CFAP299: variants seen among roughly 807,000 people sequenced by gnomAD.
CFAP299 encodes cilia and flagella associated protein 299, also known as cilia- and flagella-associated protein 299.
Under a neutral mutation model 27.0 loss-of-function variants are expected in CFAP299, and 21 were observed. The ratio of observed to expected loss-of-function variants is 0.78; its 90% CI spans 0.55 to 1.12. The LOEUF is 1.12. Ranked by LOEUF, CFAP299 falls within the 50% of genes most tolerant of loss-of-function variation. The pLI, the probability that CFAP299 is intolerant of heterozygous loss-of-function variation, is 0.00. For synonymous variants in CFAP299, 104 were observed against 98.1 expected, an observed-to-expected ratio of 1.06 and a Z score of -0.36; for missense variants, 310 against 276.6, an observed-to-expected ratio of 1.12 and a Z score of -0.86.
At chr4:80,832,275 C>A (rs1393097133) in intron 3 of CFAP299, among the ~76,000 whole-genome samples, 3 of 152,080 alleles carry the variant, frequency 2.0e-5, no homozygotes. Flanking sequence ...ATCACGGTGC[C>A]ATTGATCAGA....
At chr4:80,710,759 T>G (rs1172376175) in intron 3 of CFAP299, among the ~76,000 whole-genome samples, 3 of 151,988 alleles carry the variant, frequency 2.0e-5, no homozygotes, top group Non-Finnish European at 2.9e-5. Context: ...TCATTCTACT[T>G]TTTTTTACTC....
chr4:80,904,147 T>C (rs765107706), intron 4 of CFAP299, among the ~76,000 whole-genome samples: 2 of 152,194 alleles, frequency 1.3e-5, no homozygotes, highest in African/African-American at 4.8e-5. Flanking sequence ...AAATGTTACA[T>C]GCATAGCCCT....
intron 3 of CFAP299, among the ~76,000 whole-genome samples, chr4:80,702,294 C>A (rs1244429615): frequency 6.6e-6 from 1 of 151,770 alleles, no homozygotes; most frequent in Non-Finnish European, 1.5e-5. Flanking sequence ...TGAATCTATA[C>A]ACAGTTTATT....
At chr4:80,532,895 C>G (rs1396496113) in intron 2 of CFAP299, among the ~76,000 whole-genome samples, 1 of 152,200 alleles carries the variant, frequency 6.6e-6, no homozygotes, top group Non-Finnish European at 1.5e-5. Context: ...CAAAGGACCT[C>G]CCACAAAGGG....
rs539189216 is a variant in CFAP299 at position 80,643,013 on chromosome 4, A to G, written c.333+59830A>G. On this transcript the variant is annotated intron_variant, in intron 3 of 5. Transcript: ENST00000358105. The stretch of plus-strand genomic sequence containing the variant: ...AGAGACGTTAAATTAAAAGAGATGT[A>G]GGGCCGGGTGTGGTGACTGGCGCCT... 1.3e-4 allele frequency among the ~76,000 whole-genome samples: 20 copies of G among 151,594 alleles called. No individual in the cohort carries two copies. The East Asian group carries it at 3.7e-3, about 28-fold the overall frequency.
chr4:80,463,775 C>G (rs181942586), intron 2 of CFAP299, among the ~76,000 whole-genome samples: 2 of 152,102 alleles, frequency 1.3e-5, no homozygotes, highest in African/African-American at 4.8e-5. Context: ...AGAGCTTCAA[C>G]CTATGAATTT....
chr4:80,352,888 A>G (rs998640632), intron 1 of CFAP299, among the ~76,000 whole-genome samples: 30 of 152,140 alleles, frequency 2.0e-4, no homozygotes, highest in African/African-American at 6.5e-4. Flanking sequence ...AACAAAATAT[A>G]TAAATGTTTA....
intron 2 of CFAP299, among the ~76,000 whole-genome samples, chr4:80,405,944 A>G (rs1316867200): frequency 6.6e-6 from 1 of 152,054 alleles, no homozygotes; most frequent in East Asian, 1.9e-4. Flanking sequence ...AATGATACCA[A>G]CTCACACGTT....
intron 3 of CFAP299, among the ~76,000 whole-genome samples, chr4:80,681,701 CA>C (rs1307658393): frequency 6.6e-6 from 1 of 152,000 alleles, no homozygotes. Flanking sequence ...TAGGCTTAGC[CA>C]AAAGTAATTT....
intron 5 of CFAP299, among the ~76,000 whole-genome samples, chr4:80,959,708 T>C (rs570514259): frequency 1.8e-3 from 269 of 152,130 alleles, no homozygotes; most frequent in African/African-American, 6.0e-3. Flanking sequence ...CTCTTTGTGA[T>C]ATTTTTGAAG....
intron 3 of CFAP299, among the ~76,000 whole-genome samples, chr4:80,682,320 G>A (rs2110006255): frequency 6.6e-6 from 1 of 152,144 alleles, no homozygotes; most frequent in East Asian, 1.9e-4. Flanking sequence ...AGGGAGCTGT[G>A]ATCTGTTTTG....
chr4:80,465,581 A>G (rs1729661166), intron 2 of CFAP299, among the ~76,000 whole-genome samples: 1 of 152,216 alleles, frequency 6.6e-6, no homozygotes, highest in Non-Finnish European at 1.5e-5. Context: ...CATCTTGTGC[A>G]CATTCTAAAA....
intron 4 of CFAP299, among the ~76,000 whole-genome samples, chr4:80,900,471 A>T (rs1315483245): frequency 6.6e-6 from 1 of 152,156 alleles, no homozygotes; most frequent in Admixed American, 6.6e-5. Context: ...TAATTTGTCA[A>T]GACTAAGATC....
In CFAP299 at chr4:80,576,159, A is replaced by T. The variant is rs1269725849; in HGVS notation, c.243-6934A>T. 2.8e-5 allele frequency among the ~76,000 whole-genome samples: 4 copies of T among 141,854 alleles called. No individual in the cohort carries two copies. The South Asian group carries it at 9.4e-4, about 33-fold the overall frequency. 93.1% of individuals were successfully genotyped at this position (141,854 alleles called of 152,430 possible). ...TGTAACAAACCTGCACATTGTGCAC[A>T]TGTACCCTAGAACTTAAAGTATAAT... is the stretch of plus-strand genomic sequence containing the variant. On this transcript the variant is annotated intron_variant, in intron 2 of 5. Coordinates refer to ENST00000358105, the MANE Select transcript of CFAP299 (RefSeq NM_152770.3).
intron 3 of CFAP299, among the ~76,000 whole-genome samples, chr4:80,674,232 C>T (rs866622753): frequency 6.6e-6 from 1 of 152,144 alleles, no homozygotes; most frequent in Non-Finnish European, 1.5e-5. Flanking sequence ...GACAAAATCT[C>T]TCAGCATTTG....
At position 80,877,016 on chromosome 4, in the gene CFAP299, T is replaced by C. The variant is rs1353972478; in HGVS notation, c.476+6881T>C. 3.3e-5 allele frequency among the ~76,000 whole-genome samples: 5 copies of C among 152,098 alleles called. No homozygotes were observed. In the East Asian group the frequency reaches 9.6e-4, roughly 29 times the overall value. ...GGCTTTCATTTTCAGTCACTGTGAG[T>C]AAGAATTATAGTGTCCCCACAGCTT... On this transcript the variant is annotated intron_variant, in intron 4 of 5. Transcript: ENST00000358105.
intron 4 of CFAP299, among the ~76,000 whole-genome samples, chr4:80,888,939 C>A (rs571769262): frequency 1.4e-5 from 2 of 139,082 alleles, no homozygotes; most frequent in Non-Finnish European, 3.0e-5. Context: ...AATGGAAACA[C>A]GACATGCCAA....
chr4:80,391,099 T>C (rs192616567), intron 2 of CFAP299, among the ~76,000 whole-genome samples: 6 of 152,090 alleles, frequency 3.9e-5, no homozygotes, highest in East Asian at 1.9e-4. Context: ...ACATATATCC[T>C]GCATTTTCTT....
At chr4:80,485,563 A>C (rs949075951) in intron 2 of CFAP299, among the ~76,000 whole-genome samples, 2 of 152,144 alleles carry the variant, frequency 1.3e-5, no homozygotes, top group Non-Finnish European at 2.9e-5. Flanking sequence ...TACTAATGGG[A>C]TCTTACCAAT....
Sources: allele counts gnomAD v4.1 joint callset (sites outside exome capture counted in the v4.1 genomes callset), GRCh38; gene constraint gnomAD v4.1.1; transcripts MANE v1.5; gene names NCBI Gene and HGNC (gene_info 2026-07-23, HGNC 2026-07-21).